GRAMD2A: variants seen among roughly 807,000 people sequenced by gnomAD.
GRAMD2A encodes GRAM domain-containing protein 2A.
GRAMD2A carries 37 observed loss-of-function variants against 51.1 expected under a neutral mutation model. The ratio of observed to expected loss-of-function variants is 0.72; its 90% CI spans 0.56 to 0.95. The LOEUF (loss-of-function observed/expected upper bound fraction) is 0.95. Ranked by LOEUF, GRAMD2A falls within the 40% of genes least tolerant of loss-of-function variation. The pLI, the probability that GRAMD2A is intolerant of heterozygous loss-of-function variation, is 0.00. For missense variants in GRAMD2A, 414 were observed against 426.9 expected, an observed-to-expected ratio of 0.97 and a Z score of 0.27; for synonymous variants, 136 against 157.1, an observed-to-expected ratio of 0.87 and a Z score of 1.01.
intron 1 of GRAMD2A, among the ~76,000 whole-genome samples, chr15:72,185,014 C>T (rs1269137153): frequency 6.6e-6 from 1 of 152,130 alleles, no homozygotes; most frequent in Non-Finnish European, 1.5e-5. Context: ...TTAACGGTTA[C>T]AAGATCAATA....
Position 72,163,763 on chromosome 15 carries a change from G to GT in GRAMD2A, c.601-7dup. 1 of 1,608,846 alleles carries GT rather than the reference G, an allele frequency of 6.2e-7. No individual in the cohort carries two copies. Among genetic ancestry groups the GT allele is most frequent in the Non-Finnish European group, 8.5e-7 (1 of 1,178,630 alleles). ...ATCTCAGGGATGAGGACTTCCTGCA[G>GT]TAAGACAGGAGAAGCTATCTTACCA... On this transcript the variant is annotated splice_polypyrimidine_tract_variant and splice_region_variant and intron_variant, in intron 8 of 11. Coordinates refer to ENST00000309731, the MANE Select transcript of GRAMD2A (RefSeq NM_001012642.3).
At chr15:72,175,078 A>C (rs1195432733) in intron 1 of GRAMD2A, among the ~76,000 whole-genome samples, 1 of 151,766 alleles carries the variant, frequency 6.6e-6, no homozygotes, top group Non-Finnish European at 1.5e-5. Flanking sequence ...TTGGCATCCA[A>C]TGTCTGTGAA....
Position 72,167,105 on chromosome 15 carries a change from G to A in GRAMD2A, c.373-13C>T, listed in dbSNP as rs2081555006. The A allele has an allele frequency of 2.5e-6, 4 of 1,581,416 alleles. No homozygotes were observed. Among genetic ancestry groups the A allele is most frequent in the Non-Finnish European group, 2.6e-6 (3 of 1,150,028 alleles). On this transcript the variant is annotated splice_polypyrimidine_tract_variant and intron_variant, in intron 5 of 11. Coordinates refer to ENST00000309731, the MANE Select transcript of GRAMD2A (RefSeq NM_001012642.3). ...CAGGAATGACCACCTGAGAGGGAGA[G>A]GGATGCTTCTCTCAGGACTAACCCC... is the stretch of plus-strand genomic sequence containing the variant.
At chr15:72,178,020 A>C (rs2081667806) in intron 1 of GRAMD2A, among the ~76,000 whole-genome samples, 1 of 152,088 alleles carries the variant, frequency 6.6e-6, no homozygotes, top group African/African-American at 2.4e-5. Flanking sequence ...GAGCCACCGC[A>C]CCTGGCCGGC....
At chr15:72,176,557 A>G (rs1012933869) in intron 1 of GRAMD2A, 2 of 152,474 alleles carry the variant, frequency 1.3e-5, no homozygotes, top group Admixed American at 6.5e-5. Context: ...TTCTCTTCCA[A>G]ACAAAAACAC....
chr15:72,193,527 CTT>C (rs895492895), intron 1 of GRAMD2A, among the ~76,000 whole-genome samples: 1 of 134,638 alleles, frequency 7.4e-6, no homozygotes. Flanking sequence ...TTGTGCATTT[CTT>C]TTTTTTTTTT....
At chr15:72,195,783 G>C (rs2081800683) in intron 1 of GRAMD2A, among the ~76,000 whole-genome samples, 1 of 152,106 alleles carries the variant, frequency 6.6e-6, no homozygotes, top group South Asian at 2.1e-4. Context: ...AGCCGGGTGT[G>C]GTGGCGCATG....
chr15:72,177,126 T>C (rs1450365903), intron 1 of GRAMD2A, among the ~76,000 whole-genome samples: 1 of 151,222 alleles, frequency 6.6e-6, no homozygotes, highest in Non-Finnish European at 1.5e-5. Context: ...CTTTCTAAAG[T>C]GCTCGGATTA....
chr15:72,172,130 T>C (rs11072349), intron 1 of GRAMD2A, among the ~76,000 whole-genome samples: 94,626 of 151,480 alleles, frequency 0.62, 31,305 homozygotes, highest in Middle Eastern at 0.74. Flanking sequence ...CCGGCCTTTT[T>C]TTTTTTGAGA....
chr15:72,193,102 G>C (rs2081779730), intron 1 of GRAMD2A, among the ~76,000 whole-genome samples: 2 of 151,490 alleles, frequency 1.3e-5, no homozygotes, highest in Admixed American at 6.6e-5. Flanking sequence ...CTCTAGCCTG[G>C]GCAACAAGAG....
chr15:72,197,711 C>T lies in GRAMD2A; in HGVS notation c.41+20G>A, dbSNP rs1438628047. ...GCCTCCGGAACCCCCGAGACCGGCCCCCGGGCCGCAACCCCTTACCCGCCC... is the reference window on the plus strand; with the variant it reads ...GCCTCCGGAACCCCCGAGACCGGCCTCCGGGCCGCAACCCCTTACCCGCCC... On this transcript the variant is annotated intron_variant, in intron 1 of 11. Transcript: ENST00000309731. 1.5e-6 allele frequency: 2 copies of T among 1,316,066 alleles called. No individual in the cohort carries two copies. The highest frequency in any genetic ancestry group is 1.5e-5 in the African/African-American group (1 of 64,954). The allele number at this position is 1,316,066 out of a possible 1,614,324, so 81.5% of individuals were successfully genotyped here. A position where few individuals can be genotyped will look rare whatever the true frequency, so the allele number is the denominator to read the frequency against.
chr15:72,166,599 C>T lies in GRAMD2A; in HGVS notation c.543+33G>A. ...AAGACCTGCATCCAGGCCTGAGCGA[C>T]TTCCCTGGCCTTCCTGCTCCCAAGC... On this transcript the variant is annotated intron_variant, in intron 7 of 11. Transcript: ENST00000309731. The surrounding 1 kb of genome is among the most constrained non-coding windows in gnomAD (Gnocchi z 4.1). 1.3e-6 allele frequency: 2 copies of T among 1,563,994 alleles called. No homozygotes were observed. The highest frequency in any genetic ancestry group is 8.8e-7 in the Non-Finnish European group (1 of 1,135,006).
chr15:72,183,521 AAACAAC>A (rs3028402), intron 1 of GRAMD2A, among the ~76,000 whole-genome samples: 5 of 149,504 alleles, frequency 3.3e-5, no homozygotes, highest in South Asian at 2.1e-4. Flanking sequence ...TCTCCATTAA[AAACAAC>A]AACAACAACA....
rs376260938 is a variant in GRAMD2A, at chr15:72,162,307, A to G, written c.1027T>C (p.Ser343Pro). Reference protein sequence around the residue: ...RISRLEQQLCSLSWDDPVPGH... With the variant: ...RISRLEQQLCPLSWDDPVPGH... ...GGGACTGGGTCATCCCAACTCAAGG[A>G]GCATAACTGCTGCTCTAGCCGAGAA... The change falls in exon 11 of 12, where the codon TCC becomes CCC. Residue 343 changes from serine (S) to proline (P), a missense_variant. Physicochemically the swap from Ser to Pro is moderately conservative, Grantham distance 74. Coordinates refer to ENST00000309731, the MANE Select transcript of GRAMD2A (RefSeq NM_001012642.3). 5 of 1,614,088 alleles carry G rather than the reference A, an allele frequency of 3.1e-6. No homozygotes were observed. The highest frequency in any genetic ancestry group is 2.5e-6 in the Non-Finnish European group (3 of 1,179,914).
rs1427408688 is a variant in GRAMD2A at position 72,168,952 on chromosome 15, C to T, written c.179G>A (p.Cys60Tyr). ...CTCCAGACTTACCCCTTCTCGGCCA[C>T]ACTTCTTTATCTCTTCACCCTTCAA... ...EGLKGEEIKK[C>Y]GREGITLNKY... The change falls in exon 3 of 12, where the codon TGT becomes TAT. Residue 60 changes from cysteine to tyrosine, a missense_variant. Transcript: ENST00000309731. The T allele has an allele frequency of 6.2e-7, 1 of 1,614,158 alleles. No individual in the cohort carries two copies. The highest frequency in any genetic ancestry group is 1.1e-5 in the South Asian group (1 of 91,088).
chr15:72,190,774 G>A (rs1596700027), intron 1 of GRAMD2A, among the ~76,000 whole-genome samples: 1 of 152,192 alleles, frequency 6.6e-6, no homozygotes, highest in Non-Finnish European at 1.5e-5. Context: ...TCTGGGAAGA[G>A]AGCATTTCAC....
At chr15:72,169,184 T>C in intron 2 of GRAMD2A, 188 bp from the exon 3 acceptor site, 1 of 617,510 alleles carries the variant, frequency 1.6e-6, no homozygotes. Flanking sequence ...AGCTCATCCC[T>C]GGGGGAGGGC....
chr15:72,167,998 T>A (rs8025939), intron 4 of GRAMD2A, among the ~76,000 whole-genome samples, 159 bp from the exon 5 acceptor site: 99,631 of 151,772 alleles, frequency 0.66, 33,578 homozygotes, highest in Middle Eastern at 0.74. Flanking sequence ...AAACAGTCCA[T>A]TCCCCAGCGT....
At chr15:72,162,936 G>T in intron 10 of GRAMD2A, 1 of 291,422 alleles carries the variant, frequency 3.4e-6, no homozygotes, top group Non-Finnish European at 6.4e-6. Flanking sequence ...GTGGGCAGTG[G>T]CGAGGCCAAG....
Sources: gnomAD v4.1 joint callset for allele counts (sites outside exome capture counted in the v4.1 genomes callset) on GRCh38, gnomAD v4.1.1 for gene constraint, Gnocchi (gnomAD v3.1) non-coding constraint, MANE v1.5 for transcripts, NCBI Gene and HGNC (gene_info 2026-07-23, HGNC 2026-07-21) for gene names.